Variants in TMEM178B observed in about 807,000 individuals in gnomAD.
The protein encoded by TMEM178B is transmembrane protein 178B.
Under a neutral mutation model 31.0 loss-of-function variants are expected in TMEM178B, and 5 were observed. The ratio of observed to expected loss-of-function variants is 0.16; its 90% CI spans 0.08 to 0.34. The LOEUF (loss-of-function observed/expected upper bound fraction) is 0.34. Ranked by LOEUF, TMEM178B falls within the 10% of genes least tolerant of loss-of-function variation. TMEM178B has a pLI of 1.00. For missense variants in TMEM178B, 275 were observed against 400.3 expected (o/e 0.69, Z 2.67); for synonymous variants, 164 against 164.0 (o/e 1.00, Z 0.00).
intron 1 of TMEM178B, among the ~76,000 whole-genome samples, chr7:141,208,040 A>T (rs1042083215): frequency 6.6e-6 from 1 of 152,144 alleles, no homozygotes; most frequent in South Asian, 2.1e-4. Flanking sequence ...AAAATAAAAA[A>T]AAATTAACTG....
At chr7:141,387,626 G>A (rs1800456933) in intron 2 of TMEM178B, among the ~76,000 whole-genome samples, 1 of 152,156 alleles carries the variant, frequency 6.6e-6, no homozygotes, top group Admixed American at 6.5e-5. Flanking sequence ...GCTATATTTA[G>A]CAGACTCCTT....
At chr7:141,202,597 A>G (rs1211516763) in intron 1 of TMEM178B, among the ~76,000 whole-genome samples, 1 of 152,264 alleles carries the variant, frequency 6.6e-6, no homozygotes, top group Non-Finnish European at 1.5e-5. Flanking sequence ...CATTGAAAAT[A>G]AAAACGTAGA....
At chr7:141,102,932 T>G (rs944891549) in intron 1 of TMEM178B, among the ~76,000 whole-genome samples, 3 of 152,152 alleles carry the variant, frequency 2.0e-5, no homozygotes, top group Non-Finnish European at 4.4e-5. Flanking sequence ...TGTGTCCAGT[T>G]AAGTGGCTAA....
At chr7:141,147,699 G>A (rs1349477590) in intron 1 of TMEM178B, among the ~76,000 whole-genome samples, 5 of 152,212 alleles carry the variant, frequency 3.3e-5, no homozygotes, top group African/African-American at 1.2e-4. Flanking sequence ...ACACCACGCT[G>A]CCATCAGCTG....
intron 2 of TMEM178B, among the ~76,000 whole-genome samples, chr7:141,289,614 C>G (rs576223490): frequency 1.3e-5 from 2 of 149,846 alleles, no homozygotes; most frequent in South Asian, 2.1e-4. Context: ...ATTCGGGAGG[C>G]TGAGGCAGGA....
intron 2 of TMEM178B, among the ~76,000 whole-genome samples, chr7:141,405,042 C>T (rs1192453584): frequency 1.3e-5 from 2 of 152,228 alleles, no homozygotes; most frequent in African/African-American, 2.4e-5. Context: ...CCTACATCAG[C>T]ACAGGCTTTT....
chr7:141,157,964 C>T (rs1054392326), intron 1 of TMEM178B, among the ~76,000 whole-genome samples: 1 of 152,150 alleles, frequency 6.6e-6, no homozygotes, highest in Non-Finnish European at 1.5e-5. Flanking sequence ...ATCTTTTCCT[C>T]TCCTCTCTGC....
chr7:141,287,285 G>A (rs1332843150), intron 2 of TMEM178B, among the ~76,000 whole-genome samples: 1 of 152,072 alleles, frequency 6.6e-6, no homozygotes, highest in African/African-American at 2.4e-5. Flanking sequence ...TTTAACAAGT[G>A]GATAGGACTC....
chr7:141,429,308 T>TACACACACACAC (rs3039921), intron 2 of TMEM178B, among the ~76,000 whole-genome samples: 2,476 of 149,680 alleles, frequency 0.017, 31 homozygotes, highest in South Asian at 0.062. Flanking sequence ...GAAAATGTAA[T>TACACACACACAC]ACACACACAC....
chr7:141,309,398 A>T (rs145256189), intron 2 of TMEM178B, among the ~76,000 whole-genome samples: 1 of 152,216 alleles, frequency 6.6e-6, no homozygotes, highest in Non-Finnish European at 1.5e-5. Flanking sequence ...AAAGTAATAC[A>T]TGTTCATTGT....
intron 2 of TMEM178B, among the ~76,000 whole-genome samples, chr7:141,229,444 G>A (rs1797405408): frequency 6.6e-6 from 1 of 152,038 alleles, no homozygotes. Context: ...CCATGGAGCA[G>A]GGGAAACATC....
chr7:141,289,378 C>A (rs1335357042), intron 2 of TMEM178B, among the ~76,000 whole-genome samples: 1 of 152,120 alleles, frequency 6.6e-6, no homozygotes, highest in Non-Finnish European at 1.5e-5. Context: ...TTATCATGAC[C>A]TTTGGGTGCA....
intron 1 of TMEM178B, among the ~76,000 whole-genome samples, chr7:141,208,146 T>G (rs1296604918): frequency 6.6e-6 from 1 of 152,064 alleles, no homozygotes; most frequent in African/African-American, 2.4e-5. Flanking sequence ...TAAGCGATGA[T>G]TACGCCACTG....
chr7:141,210,710 T>G (rs1235077323), intron 1 of TMEM178B, among the ~76,000 whole-genome samples: 1 of 151,992 alleles, frequency 6.6e-6, no homozygotes, highest in Admixed American at 6.6e-5. Flanking sequence ...TGTAAACATC[T>G]TCTGTGTGTG....
At chr7:141,293,794 G>A (rs369999316) in intron 2 of TMEM178B, among the ~76,000 whole-genome samples, 10 of 152,274 alleles carry the variant, frequency 6.6e-5, no homozygotes, top group African/African-American at 1.7e-4. Context: ...TCAGGTTTAC[G>A]AACCTGTAAC....
chr7:141,185,241 C>T (rs1446290904), intron 1 of TMEM178B, among the ~76,000 whole-genome samples: 1 of 152,220 alleles, frequency 6.6e-6, no homozygotes, highest in Admixed American at 6.5e-5. Context: ...CTCAATTAGC[C>T]TCCTGCCTTA....
intron 2 of TMEM178B, among the ~76,000 whole-genome samples, chr7:141,228,139 A>G (rs1231412749): frequency 6.6e-6 from 1 of 152,154 alleles, no homozygotes; most frequent in African/African-American, 2.4e-5. Context: ...TTTGGCTTTC[A>G]GGTCTCACAT....
At chr7:141,110,023 A>G (rs1337419415) in intron 1 of TMEM178B, among the ~76,000 whole-genome samples, 3 of 152,236 alleles carry the variant, frequency 2.0e-5, no homozygotes, top group Non-Finnish European at 4.4e-5. Context: ...CTTATTGATT[A>G]AAAGATAAAT....
At chr7:141,325,285 A>G (rs1019494267) in intron 2 of TMEM178B, among the ~76,000 whole-genome samples, 1 of 152,164 alleles carries the variant, frequency 6.6e-6, no homozygotes, top group Non-Finnish European at 1.5e-5. Flanking sequence ...AGAACTCTAA[A>G]TGGGGGCTGT....
Sources: gnomAD v4.1 joint callset for allele counts (sites outside exome capture counted in the v4.1 genomes callset) on GRCh38, gnomAD v4.1.1 for gene constraint, MANE v1.5 for transcripts, NCBI Gene and HGNC (gene_info 2026-07-23, HGNC 2026-07-21) for gene names.